Variants in ADGRB3 observed in about 807,000 individuals in gnomAD.
The protein encoded by ADGRB3 is adhesion G protein-coupled receptor B3, also known as brain-specific angiogenesis inhibitor 3.
A neutral mutation model predicts 193.4 loss-of-function variants in ADGRB3; 37 were observed. The observed-to-expected ratio is 0.19, with a 90% CI of 0.15 to 0.25. The LOEUF (loss-of-function observed/expected upper bound fraction) is 0.25, where lower values mean the gene tolerates loss of function less well. ADGRB3 is among the 10% of genes least tolerant of loss of function. The pLI, the probability that ADGRB3 is intolerant of heterozygous loss-of-function variation, is 1.00. For missense variants in ADGRB3, 1,637 were observed against 1,852.9 expected, an observed-to-expected ratio of 0.88 and a Z score of 2.14; for synonymous variants, 690 against 644.2, an observed-to-expected ratio of 1.07 and a Z score of -1.08.
Position 68,839,311 on chromosome 6 carries a change from T to A in ADGRB3, c.758-91248T>A, listed in dbSNP as rs483942. On this transcript the variant is annotated intron_variant, in intron 3 of 31. Transcript: ENST00000370598. Reference sequence around the variant, plus strand: ...CCATTCCTCTGCTCCAGTGTTGTAATATATTTTAATCAAAATGTATCTAAA... The same window carrying A: ...CCATTCCTCTGCTCCAGTGTTGTAAAATATTTTAATCAAAATGTATCTAAA... Among the ~76,000 whole-genome samples, 515 of 152,234 alleles carry A rather than the reference T, an allele frequency of 3.4e-3. 4 individuals carry two copies. Among genetic ancestry groups the A allele is most frequent in the African/African-American group, 0.011 (448 of 41,552 alleles).
At chr6:68,912,249 AT>A (rs971601937) in intron 3 of ADGRB3, among the ~76,000 whole-genome samples, 29 of 151,210 alleles carry the variant, frequency 1.9e-4, no homozygotes, top group Middle Eastern at 3.5e-3. Flanking sequence ...TAAATTACTG[AT>A]TTTTTTTTCT....
chr6:68,879,416 G>A (rs1217105505), intron 3 of ADGRB3, among the ~76,000 whole-genome samples: 1 of 151,728 alleles, frequency 6.6e-6, no homozygotes, highest in African/African-American at 2.4e-5. Flanking sequence ...TTTTAGTAGA[G>A]ACGGGGTTTC....
chr6:69,076,198 T>C (rs368994059), intron 17 of ADGRB3, among the ~76,000 whole-genome samples, 160 bp downstream of exon 17: 26 of 152,184 alleles, frequency 1.7e-4, no homozygotes, highest in African/African-American at 6.0e-4. Context: ...GCATGATGAA[T>C]GTGTTTGTGT....
Position 68,960,218 on chromosome 6 carries a change from T to C in ADGRB3, c.1525+3409T>C, listed in dbSNP as rs570426826. ...GTAAAAATTACACTTTATTTATACA[T>C]AAAATTTCGTTCTTGGAACCACAGC... On this transcript the variant is annotated intron_variant, in intron 8 of 31. Coordinates refer to ENST00000370598, the MANE Select transcript of ADGRB3 (RefSeq NM_001704.3). 3.5e-4 allele frequency among the ~76,000 whole-genome samples: 54 copies of C among 152,268 alleles called. 1 individual carries two copies. The South Asian group carries it at 0.01, about 29-fold the overall frequency.
At chr6:69,348,531 C>T (rs550824926) in intron 26 of ADGRB3, among the ~76,000 whole-genome samples, 5 of 149,020 alleles carry the variant, frequency 3.4e-5, no homozygotes, top group African/African-American at 5.0e-5. Context: ...GGCATGGTGG[C>T]AGGCGCCTGT....
chr6:68,793,305 T>C (rs1036759080), intron 3 of ADGRB3, among the ~76,000 whole-genome samples: 20 of 152,106 alleles, frequency 1.3e-4, no homozygotes, highest in Admixed American at 1.2e-3. Flanking sequence ...AACCAACAGA[T>C]CACACATTTT....
intron 3 of ADGRB3, among the ~76,000 whole-genome samples, chr6:68,743,231 T>G (rs1013089347): frequency 1.3e-5 from 2 of 152,084 alleles, no homozygotes; most frequent in African/African-American, 2.4e-5. Context: ...TCTCATGTTT[T>G]CCTTCTCTTC....
intron 20 of ADGRB3, among the ~76,000 whole-genome samples, chr6:69,317,396 A>G (rs1039400561): frequency 6.6e-6 from 1 of 151,494 alleles, no homozygotes; most frequent in Non-Finnish European, 1.5e-5. Context: ...TGAGATTGGT[A>G]TCTGACTTCA....
intron 20 of ADGRB3, among the ~76,000 whole-genome samples, chr6:69,255,625 G>A (rs1045866869): frequency 6.6e-6 from 1 of 152,098 alleles, no homozygotes; most frequent in South Asian, 2.1e-4. Flanking sequence ...TGAGTAGGTT[G>A]CAAAAATTTT....
chr6:69,064,870 T>C (rs1771855463), intron 16 of ADGRB3, among the ~76,000 whole-genome samples: 1 of 152,138 alleles, frequency 6.6e-6, no homozygotes, highest in South Asian at 2.1e-4. Flanking sequence ...TATTTGAGTA[T>C]AATAAAACTA....
chr6:68,747,471 T>C (rs1436708796), intron 3 of ADGRB3, among the ~76,000 whole-genome samples: 1 of 152,244 alleles, frequency 6.6e-6, no homozygotes, highest in Non-Finnish European at 1.5e-5. Flanking sequence ...CATGCTTAAT[T>C]ATTTTTTCCA....
chr6:68,797,791 C>G (rs1388522487), intron 3 of ADGRB3, among the ~76,000 whole-genome samples: 1 of 152,014 alleles, frequency 6.6e-6, no homozygotes, highest in Non-Finnish European at 1.5e-5. Context: ...CTTTTTTCTC[C>G]TCAGATTTTT....
chr6:69,260,936 C>T (rs1766911165), intron 20 of ADGRB3, among the ~76,000 whole-genome samples: 1 of 152,016 alleles, frequency 6.6e-6, no homozygotes, highest in Non-Finnish European at 1.5e-5. Context: ...CCAAATCTGC[C>T]CTCAGTCTTT....
At chr6:68,679,546 G>T (rs1252139707) in intron 3 of ADGRB3, among the ~76,000 whole-genome samples, 2 of 148,562 alleles carry the variant, frequency 1.3e-5, no homozygotes, top group African/African-American at 4.9e-5. Context: ...TGCTTTTCAG[G>T]AAAAAAAAAA....
rs187134171 is a variant in ADGRB3, at chr6:68,945,030, A to G, written c.1195+1036A>G. ...CCCACTGACCGTTTAAATACCCCCA[A>G]GTTAATGTCCTGAACTATGAAGCAA... On this transcript the variant is annotated intron_variant, in intron 6 of 31. Transcript: ENST00000370598. Among the ~76,000 whole-genome samples, 25 of 152,252 alleles carry G rather than the reference A, an allele frequency of 1.6e-4. No individual in the cohort carries two copies. In the East Asian group the frequency reaches 4.4e-3, roughly 27 times the overall value.
At chr6:69,204,182 A>G (rs1451723844) in intron 17 of ADGRB3, among the ~76,000 whole-genome samples, 1 of 152,146 alleles carries the variant, frequency 6.6e-6, no homozygotes, top group African/African-American at 2.4e-5. Context: ...TCAAGCCTAA[A>G]TGTTTTGTGT....
intron 20 of ADGRB3, among the ~76,000 whole-genome samples, chr6:69,256,807 T>G (rs1275199894): frequency 1.3e-5 from 2 of 152,216 alleles, no homozygotes; most frequent in Non-Finnish European, 2.9e-5. Context: ...TGCTTCCAGT[T>G]TTTGCCCATT....
intron 3 of ADGRB3, among the ~76,000 whole-genome samples, chr6:68,706,605 A>G (rs1161960825): frequency 6.6e-6 from 1 of 152,172 alleles, no homozygotes; most frequent in South Asian, 2.1e-4. Flanking sequence ...AAGTTACTTA[A>G]TATTTCTATG....
At chr6:68,838,636 C>T (rs1249674310) in intron 3 of ADGRB3, among the ~76,000 whole-genome samples, 1 of 152,132 alleles carries the variant, frequency 6.6e-6, no homozygotes, top group Non-Finnish European at 1.5e-5. Flanking sequence ...CTAGAAAGCA[C>T]ATTGGTTTAA....
Sources: allele counts gnomAD v4.1 joint callset (sites outside exome capture counted in the v4.1 genomes callset), GRCh38; gene constraint gnomAD v4.1.1; transcripts MANE v1.5; gene names NCBI Gene and HGNC (gene_info 2026-07-23, HGNC 2026-07-21).